SNTG1: variants seen among roughly 807,000 people sequenced by gnomAD.
The protein encoded by SNTG1 is syntrophin gamma 1.
A neutral mutation model predicts 74.7 loss-of-function variants in SNTG1; 39 were observed. That is an observed-to-expected ratio of 0.52 (90% CI 0.40 to 0.68). SNTG1 has a LOEUF of 0.68. SNTG1 is among the 30% of genes least tolerant of loss of function. SNTG1 has a pLI of 0.00. For missense variants in SNTG1, 685 were observed against 609.5 expected (o/e 1.12, Z -1.30); for synonymous variants, 254 against 217.1 (o/e 1.17, Z -1.49).
intron 2 of SNTG1, among the ~76,000 whole-genome samples, chr8:50,314,472 T>C (rs1413046416): frequency 1.3e-5 from 2 of 149,714 alleles, no homozygotes; most frequent in African/African-American, 5.0e-5. Context: ...GCATTCCAAT[T>C]AAGTGCATAG....
intron 17 of SNTG1, among the ~76,000 whole-genome samples, chr8:50,748,368 C>A (rs1410138594): frequency 6.6e-6 from 1 of 151,948 alleles, no homozygotes; most frequent in Non-Finnish European, 1.5e-5. Flanking sequence ...AGGGGTACTA[C>A]TTTCTCATTA....
intron 2 of SNTG1, among the ~76,000 whole-genome samples, chr8:50,225,451 G>A (rs1357973170): frequency 6.6e-6 from 1 of 152,130 alleles, no homozygotes; most frequent in Non-Finnish European, 1.5e-5. Context: ...TGACCTGGAA[G>A]TGCCACACAC....
At chr8:50,621,649 A>C (rs1317551459) in intron 13 of SNTG1, among the ~76,000 whole-genome samples, 2 of 152,194 alleles carry the variant, frequency 1.3e-5, no homozygotes, top group African/African-American at 4.8e-5. Flanking sequence ...AGCCTGAGAC[A>C]GCCAACAGAC....
intron 2 of SNTG1, among the ~76,000 whole-genome samples, chr8:50,224,541 A>G (rs2085232975): frequency 6.6e-6 from 1 of 152,234 alleles, no homozygotes; most frequent in Non-Finnish European, 1.5e-5. Flanking sequence ...CTCTATCCGT[A>G]AAACAAGATA....
chr8:49,959,282 G>C (rs1331333849), intron 1 of SNTG1, among the ~76,000 whole-genome samples: 3 of 152,172 alleles, frequency 2.0e-5, no homozygotes, highest in Admixed American at 2.0e-4. Context: ...AGGACAAAAG[G>C]GGGAGACAAG....
intron 4 of SNTG1, among the ~76,000 whole-genome samples, chr8:50,417,662 C>A (rs1450642377): frequency 2.0e-5 from 3 of 152,094 alleles, no homozygotes; most frequent in Non-Finnish European, 2.9e-5. Flanking sequence ...AATGTCGTAT[C>A]AACTTCTCTC....
At chr8:50,785,837 C>G (rs772637809) in intron 18 of SNTG1, among the ~76,000 whole-genome samples, 1 of 151,852 alleles carries the variant, frequency 6.6e-6, no homozygotes, top group Non-Finnish European at 1.5e-5. Flanking sequence ...GTATATATCC[C>G]TGGAATGTAT....
intron 2 of SNTG1, among the ~76,000 whole-genome samples, chr8:50,272,738 T>C (rs1338681019): frequency 6.6e-6 from 1 of 152,172 alleles, no homozygotes; most frequent in Non-Finnish European, 1.5e-5. Context: ...CTTGTAATTC[T>C]ACACTTTCTT....
chr8:50,280,148 C>T (rs951573962), intron 2 of SNTG1, among the ~76,000 whole-genome samples: 22 of 152,190 alleles, frequency 1.4e-4, no homozygotes, highest in Admixed American at 2.6e-4. Flanking sequence ...GAGTGATAGG[C>T]GTGAGCCCTC....
Position 50,570,591 on chromosome 8 carries a change from G to GTTGTTGTTATTATTATTATTA in SNTG1, c.810+17414_810+17415insGTTGTTATTATTATTATTATT, listed in dbSNP as rs137977278. On this transcript the variant is annotated intron_variant, in intron 12 of 18. Transcript: ENST00000642720. The stretch of plus-strand genomic sequence containing the variant: ...TATTATTATTATTATTATTATTGTT[G>GTTGTTGTTATTATTATTATTA]TTATTATTATTATTATTATTATTAT... 1.7e-4 allele frequency among the ~76,000 whole-genome samples: 22 copies of GTTGTTGTTATTATTATTATTA among 130,152 alleles called. No individual in the cohort carries two copies. In the East Asian group the frequency reaches 1.8e-3, roughly 11 times the overall value. The allele number at this position is 130,152 out of a possible 152,430, so 85.4% of individuals were successfully genotyped here.
At chr8:50,182,491 G>C (rs1296558255) in intron 2 of SNTG1, among the ~76,000 whole-genome samples, 2 of 151,902 alleles carry the variant, frequency 1.3e-5, no homozygotes, top group Admixed American at 6.6e-5. Context: ...AGATAAATAG[G>C]TACAAGATGC....
intron 2 of SNTG1, among the ~76,000 whole-genome samples, chr8:50,312,348 T>A (rs1400641832): frequency 6.6e-6 from 1 of 152,154 alleles, no homozygotes; most frequent in Non-Finnish European, 1.5e-5. Context: ...ATAACACAGA[T>A]AGATGGCCCC....
chr8:50,241,628 C>T (rs970760246), intron 2 of SNTG1, among the ~76,000 whole-genome samples: 3 of 152,086 alleles, frequency 2.0e-5, no homozygotes, highest in East Asian at 1.9e-4. Flanking sequence ...TTTAGGTTTA[C>T]GTGAACAGAC....
intron 15 of SNTG1, among the ~76,000 whole-genome samples, chr8:50,701,773 T>TTC (rs1563761895): frequency 2.8e-4 from 41 of 148,210 alleles, no homozygotes; most frequent in African/African-American, 9.2e-4. Flanking sequence ...CTTCTTCTTC[T>TTC]TTCTCTTCCT....
chr8:50,701,427 C>A (rs1265494792), intron 15 of SNTG1, among the ~76,000 whole-genome samples: 2 of 152,184 alleles, frequency 1.3e-5, no homozygotes, highest in Admixed American at 1.3e-4. Flanking sequence ...AAATGCCTGA[C>A]TTGGCCCCAG....
chr8:50,357,527 T>C (rs925698666), intron 2 of SNTG1, among the ~76,000 whole-genome samples: 1 of 152,228 alleles, frequency 6.6e-6, no homozygotes, highest in African/African-American at 2.4e-5. Context: ...ATCACTACTC[T>C]TCCTGTTACC....
chr8:50,777,238 A>AT (rs1563828636), intron 18 of SNTG1, among the ~76,000 whole-genome samples: 5 of 147,294 alleles, frequency 3.4e-5, no homozygotes, highest in Non-Finnish European at 6.0e-5. Flanking sequence ...TATATATAAT[A>AT]ATATAATATA....
At chr8:50,721,521 TG>T (rs2095487654) in intron 17 of SNTG1, among the ~76,000 whole-genome samples, 1 of 152,216 alleles carries the variant, frequency 6.6e-6, no homozygotes, top group Admixed American at 6.5e-5. Context: ...CTGGGTTTAG[TG>T]TCTTATTCTA....
intron 4 of SNTG1, among the ~76,000 whole-genome samples, chr8:50,435,154 G>T (rs562644865): frequency 1.5e-4 from 23 of 152,120 alleles, no homozygotes; most frequent in African/African-American, 5.5e-4. Context: ...CATTGATGTT[G>T]ATTATTTAAG....
Sources: gnomAD v4.1 joint callset for allele counts (sites outside exome capture counted in the v4.1 genomes callset) on GRCh38, gnomAD v4.1.1 for gene constraint, MANE v1.5 for transcripts, NCBI Gene and HGNC (gene_info 2026-07-23, HGNC 2026-07-21) for gene names.